Variants in LCOR observed in about 807,000 individuals in gnomAD.
The protein encoded by LCOR is ligand-dependent corepressor.
LCOR carries 14 observed loss-of-function variants against 64.4 expected under a neutral mutation model. The ratio of observed to expected loss-of-function variants is 0.22; its 90% CI spans 0.14 to 0.34. The LOEUF is 0.34. LCOR is among the 10% of genes least tolerant of loss of function. LCOR has a pLI of 1.00. For synonymous variants in LCOR, 643 were observed against 642.5 expected, an observed-to-expected ratio of 1.00 and a Z score of -0.01; for missense variants, 1,686 against 1,765.3, an observed-to-expected ratio of 0.96 and a Z score of 0.80.
chr10:96,955,080 G>A (rs1181178891), intron 7 of LCOR: 1 of 1,614,070 alleles, frequency 6.2e-7, no homozygotes, highest in Non-Finnish European at 8.5e-7. Flanking sequence ...AGTTCCACTG[G>A]CTCGATCCCT....
At chr10:96,946,553 T>C (rs1847592433) in intron 5 of LCOR, among the ~76,000 whole-genome samples, 1 of 152,118 alleles carries the variant, frequency 6.6e-6, no homozygotes, top group Non-Finnish European at 1.5e-5. Flanking sequence ...TGCAGTTTTA[T>C]TTTTCATCTG....
intron 4 of LCOR, among the ~76,000 whole-genome samples, chr10:96,942,838 A>G (rs1252389575): frequency 6.6e-6 from 1 of 152,232 alleles, no homozygotes; most frequent in African/African-American, 2.4e-5. Context: ...ACACTTATAT[A>G]TGGAAATAAA....
intron 7 of LCOR, among the ~76,000 whole-genome samples, chr10:96,972,494 C>T (rs1848007099): frequency 6.6e-6 from 1 of 152,146 alleles, no homozygotes; most frequent in South Asian, 2.1e-4. Flanking sequence ...GCTCTGACTT[C>T]CTGCTCTCCA....
intron 2 of LCOR, among the ~76,000 whole-genome samples, chr10:96,903,772 A>G (rs1846682471): frequency 6.6e-6 from 1 of 152,130 alleles, no homozygotes; most frequent in Non-Finnish European, 1.5e-5. Context: ...TTAGTCTTCT[A>G]TCTTCTGTTT....
chr10:96,904,486 T>C (rs963597744), intron 2 of LCOR, among the ~76,000 whole-genome samples: 35 of 152,176 alleles, frequency 2.3e-4, no homozygotes, highest in African/African-American at 7.5e-4. Context: ...GGTGGCATCA[T>C]TGAAGCAGTG....
Position 96,988,921 on chromosome 10 carries a change from G to C in LCOR, c.*3787G>C, listed in dbSNP as rs1489413063. Reference sequence around the variant, plus strand: ...GCAAGAGCAGAGTTGAGTAGCTGCGGCAGAGACCCGTGTGGCCCTTACAGC... The same window carrying C: ...GCAAGAGCAGAGTTGAGTAGCTGCGCCAGAGACCCGTGTGGCCCTTACAGC... On this transcript the variant is annotated 3_prime_UTR_variant, in exon 8 of 8. Transcript: ENST00000421806. 6.6e-6 allele frequency: 1 copy of C among 152,206 alleles called. No individual in the cohort carries two copies. The highest frequency in any genetic ancestry group is 1.5e-5 in the Non-Finnish European group (1 of 68,044). The allele number at this position is 152,206 out of a possible 1,614,324, so 9.4% of individuals were successfully genotyped here.
chr10:96,985,609 T>G lies in LCOR; in HGVS notation c.*475T>G, dbSNP rs909442810. On this transcript the variant is annotated 3_prime_UTR_variant, in exon 8 of 8. Transcript: ENST00000421806. ...TGCCCTTCTTTGCAAACCCCAGCAGTGAACTTCCCTCTCTGTCTTGTTTGT... is the reference window on the plus strand; with the variant it reads ...TGCCCTTCTTTGCAAACCCCAGCAGGGAACTTCCCTCTCTGTCTTGTTTGT... 1.8e-5 allele frequency: 3 copies of G among 167,368 alleles called. No individual in the cohort carries two copies. Among genetic ancestry groups the G allele is most frequent in the African/African-American group, 4.8e-5 (2 of 41,480 alleles). 10.4% of individuals were successfully genotyped at this position (167,368 alleles called of 1,614,324 possible). A position where few individuals can be genotyped will look rare whatever the true frequency, so the allele number is the denominator to read the frequency against.
At chr10:96,856,319 C>T (rs1210918897) in intron 2 of LCOR, among the ~76,000 whole-genome samples, 1 of 152,200 alleles carries the variant, frequency 6.6e-6, no homozygotes, top group Non-Finnish European at 1.5e-5. Flanking sequence ...ACTTGGCCTC[C>T]CAAAGTGATG....
chr10:96,893,931 T>A (rs531638230), intron 2 of LCOR, among the ~76,000 whole-genome samples: 2 of 152,228 alleles, frequency 1.3e-5, no homozygotes, highest in African/African-American at 4.8e-5. Flanking sequence ...AATGTAAAAT[T>A]CAGTTGGATA....
chr10:96,970,192 G>A (rs919404651), intron 7 of LCOR, among the ~76,000 whole-genome samples: 4 of 151,790 alleles, frequency 2.6e-5, no homozygotes, highest in Admixed American at 6.6e-5. Context: ...GAGCTCAGGA[G>A]TTTGAGACCA....
In LCOR at chr10:96,983,456, C is replaced by A. The variant is rs747522486; in HGVS notation, c.2996C>A (p.Thr999Asn). 9.3e-6 allele frequency: 15 copies of A among 1,614,164 alleles called. No individual in the cohort carries two copies. The Admixed American group carries it at 2.5e-4, about 27-fold the overall frequency. Reference protein sequence around the residue: ...EAVNEVDNENTQQKDDESDAP... With the variant: ...EAVNEVDNENNQQKDDESDAP... ...GTGAATGAGGTAGACAACGAAAACA[C>A]CCAGCAGAAAGATGATGAGAGTGAT... The change falls in exon 8 of 8, where the codon ACC (threonine) becomes AAC (asparagine). Residue 999 changes from threonine (T) to asparagine (N), a missense_variant. By Grantham distance (65) the Thr-to-Asn change is moderately conservative (BLOSUM62 0). This residue lies in a region of LCOR where 1,293 missense variants were observed against 1,410.4 expected (regional missense o/e 0.92). Coordinates refer to ENST00000421806, the MANE Select transcript of LCOR (RefSeq NM_001346516.2). This position sits in a 1 kb window ranked among gnomAD's most constrained non-coding sequence, Gnocchi z 4.5.
intron 7 of LCOR, among the ~76,000 whole-genome samples, chr10:96,967,885 G>T (rs184773315): frequency 5.7e-4 from 87 of 152,112 alleles, no homozygotes; most frequent in African/African-American, 2.0e-3. Context: ...GAATATTAGA[G>T]CACTAAGGGT....
intron 7 of LCOR, chr10:96,964,113 A>G (rs2134548180): frequency 6.6e-6 from 1 of 152,272 alleles, no homozygotes; most frequent in South Asian, 2.1e-4. Flanking sequence ...TATGATCACA[A>G]ATTAAGTTTT....
intron 2 of LCOR, among the ~76,000 whole-genome samples, chr10:96,857,409 T>G (rs899579482): frequency 1.3e-5 from 2 of 152,244 alleles, no homozygotes; most frequent in Non-Finnish European, 2.9e-5. Context: ...AACAGTTGTG[T>G]GAATTGATGC....
intron 1 of LCOR, among the ~76,000 whole-genome samples, chr10:96,832,611 C>CCCTCCGCGCG (rs1346398334): frequency 2.0e-5 from 3 of 149,646 alleles, no homozygotes; most frequent in Non-Finnish European, 3.0e-5. Flanking sequence ...CCGGCCCCTC[C>CCCTCCGCGCG]CCTCCGCGCG....
In LCOR at chr10:96,913,901, G is replaced by A. The variant is rs61858086; in HGVS notation, c.-184+6154G>A. ...CCTGGGCGACACACACAGACTGTCT[G>A]GAAAAAAAAAAAAAAGAAGTTAGAA... On this transcript the variant is annotated intron_variant, in intron 4 of 7. Coordinates refer to ENST00000421806, the MANE Select transcript of LCOR (RefSeq NM_001346516.2). Among the ~76,000 whole-genome samples, 9 of 148,220 alleles carry A rather than the reference G, an allele frequency of 6.1e-5. No homozygotes were observed. The South Asian group carries it at 1.9e-3, about 31-fold the overall frequency.
At chr10:96,854,237 A>G (rs1845766962) in intron 2 of LCOR, among the ~76,000 whole-genome samples, 1 of 152,262 alleles carries the variant, frequency 6.6e-6, no homozygotes, top group Non-Finnish European at 1.5e-5. Context: ...CAGTAATGGT[A>G]GGATGATATA....
chr10:96,873,611 T>TGTGTGTGG (rs1846113881), intron 2 of LCOR, among the ~76,000 whole-genome samples: 1 of 141,234 alleles, frequency 7.1e-6, no homozygotes, highest in Non-Finnish European at 1.5e-5. Context: ...TGTGTGTGTG[T>TGTGTGTGG]GTGTGTTTTG....
In LCOR at chr10:96,907,257, C is replaced by G. The variant is rs534935880; in HGVS notation, c.-329-8C>G. ...TTGTGGTAATGGATTTTGTTTTTAT[C>G]CTTTCAGGGTTTGAAAGTATTCTTG... On this transcript the variant is annotated splice_polypyrimidine_tract_variant and splice_region_variant and intron_variant, in intron 2 of 7. Coordinates refer to ENST00000421806, the MANE Select transcript of LCOR (RefSeq NM_001346516.2). 2 of 957,944 alleles carry G rather than the reference C, an allele frequency of 2.1e-6. No individual in the cohort carries two copies. Among genetic ancestry groups the G allele is most frequent in the Admixed American group, 6.2e-5 (1 of 16,188 alleles). The allele number at this position is 957,944 out of a possible 1,614,324, so 59.3% of individuals were successfully genotyped here.
Sources: gnomAD v4.1 joint callset for allele counts (sites outside exome capture counted in the v4.1 genomes callset) on GRCh38, gnomAD v4.1.1 for gene constraint, gnomAD v4.1.1 regional missense constraint, Gnocchi (gnomAD v3.1) non-coding constraint, MANE v1.5 for transcripts, NCBI Gene and HGNC (gene_info 2026-07-23, HGNC 2026-07-21) for gene names.